PFDN2: variants seen among roughly 807,000 people sequenced by gnomAD.
PFDN2 encodes prefoldin 2.
Under a neutral mutation model 18.3 loss-of-function variants are expected in PFDN2, and 7 were observed. That is an observed-to-expected ratio of 0.38 (90% CI 0.22 to 0.72). The LOEUF (loss-of-function observed/expected upper bound fraction) is 0.72, where lower values mean the gene tolerates loss of function less well. Among genes scored for constraint, PFDN2 ranks in the 30% least tolerant of loss-of-function variants. The probability of loss-of-function intolerance (pLI) is 0.47; values close to 1 mark genes in which losing one functional copy is unlikely to be tolerated. For synonymous variants in PFDN2, 76 were observed against 75.0 expected (o/e 1.01, Z -0.07); for missense variants, 181 against 199.1 (o/e 0.91, Z 0.55).
chr1:161,101,968 A>G, intron 3 of PFDN2, 80 bp downstream of exon 3: 2 of 1,480,162 alleles, frequency 1.4e-6, no homozygotes, highest in African/African-American at 1.4e-5. Flanking sequence ...CCCGGACTCA[A>G]AGAGTCCACC....
In PFDN2 at chr1:161,105,808, A is replaced by G. The variant is rs1385006966; in HGVS notation, c.76-3433T>C. ...TTCTTCAACATTCTTGCTAATAACTAATTTCCTCTTGTTCCATTTTATGAA... is the reference window on the plus strand; with the variant it reads ...TTCTTCAACATTCTTGCTAATAACTGATTTCCTCTTGTTCCATTTTATGAA... On this transcript the variant is annotated intron_variant, in intron 1 of 3. Coordinates refer to ENST00000368010, the MANE Select transcript of PFDN2 (RefSeq NM_012394.4). Among the ~76,000 whole-genome samples, 3 of 152,166 alleles carry G rather than the reference A, an allele frequency of 2.0e-5. No individual in the cohort carries two copies. The East Asian group carries it at 5.8e-4, about 29-fold the overall frequency.
At chr1:161,108,666 T>A (rs1242204807) in intron 1 of PFDN2, among the ~76,000 whole-genome samples, 1 of 152,130 alleles carries the variant, frequency 6.6e-6, no homozygotes, top group East Asian at 1.9e-4. Flanking sequence ...GTAAGATCAA[T>A]GAGTCAAAAA....
intron 1 of PFDN2, among the ~76,000 whole-genome samples, chr1:161,103,746 ATAAACCC>A (rs1654625984): frequency 6.6e-6 from 1 of 151,064 alleles, no homozygotes; most frequent in Admixed American, 6.7e-5. Flanking sequence ...TCTGTAGCCT[ATAAACCC>A]TAACTGATAC....
chr1:161,109,731 C>T (rs557699048), intron 1 of PFDN2, among the ~76,000 whole-genome samples: 1 of 152,150 alleles, frequency 6.6e-6, no homozygotes, highest in Non-Finnish European at 1.5e-5. Context: ...CGGTGGCTCA[C>T]GCCTGTAATC....
chr1:161,107,110 C>T (rs1243072353), intron 1 of PFDN2, among the ~76,000 whole-genome samples: 2 of 152,156 alleles, frequency 1.3e-5, no homozygotes, highest in African/African-American at 4.8e-5. Context: ...AGGCCCATAC[C>T]CTATTGATAT....
chr1:161,117,936 G>C lies in PFDN2; in HGVS notation c.75+16C>G. 5.6e-6 allele frequency: 9 copies of C among 1,603,088 alleles called. No homozygotes were observed. The highest frequency in any genetic ancestry group is 4.4e-5 in the South Asian group (4 of 89,950). ...GACCCAGGTGGGTACCCTGCTTCGC[G>C]TTAGCCACTCCTCACCTGCTCTGCG... On this transcript the variant is annotated intron_variant, in intron 1 of 3. Transcript: ENST00000368010.
rs1226465448 is a variant in PFDN2 at position 161,102,142 on chromosome 1, T to A, written c.194A>T (p.Asp65Val). Residue 65 changes from aspartate (D) to valine (V), a missense_variant, in exon 3 of 4, where the codon GAT becomes GTT. Coordinates refer to ENST00000368010, the MANE Select transcript of PFDN2 (RefSeq NM_012394.4). ...CATGCGGTAGCACTTACGAGTTTCA[T>A]CTACCTCCTTCAGTGTATCGATCAC... ...SLVIDTLKEV[D>V]ETRKCYRMVG... The A allele has an allele frequency of 1.2e-6, 2 of 1,614,092 alleles. No individual in the cohort carries two copies. The highest frequency in any genetic ancestry group is 8.5e-7 in the Non-Finnish European group (1 of 1,180,018).
intron 1 of PFDN2, 55 bp from the exon 2 acceptor site, chr1:161,102,430 C>T: frequency 7.4e-7 from 1 of 1,351,184 alleles, no homozygotes; most frequent in Non-Finnish European, 1.1e-6. Flanking sequence ...GCAGAGGGTC[C>T]AGATAGCACA....
At chr1:161,105,574 C>G (rs1299106232) in intron 1 of PFDN2, among the ~76,000 whole-genome samples, 1 of 152,138 alleles carries the variant, frequency 6.6e-6, no homozygotes, top group African/African-American at 2.4e-5. Context: ...TCTCCTGCCT[C>G]AGCCTCCCAA....
intron 1 of PFDN2, among the ~76,000 whole-genome samples, chr1:161,107,328 G>T (rs897644482): frequency 3.3e-5 from 5 of 151,400 alleles, no homozygotes; most frequent in Non-Finnish European, 2.9e-5. Flanking sequence ...GGGAGGCTGA[G>T]GCAGGAGAAC....
intron 1 of PFDN2, among the ~76,000 whole-genome samples, 182 bp from the exon 2 acceptor site, chr1:161,102,557 G>C (rs1654589530): frequency 6.6e-6 from 1 of 152,132 alleles, no homozygotes; most frequent in Non-Finnish European, 1.5e-5. Flanking sequence ...ACCAAACACG[G>C]AGGGCTTACT....
chr1:161,113,461 A>G (rs1654848870), intron 1 of PFDN2, among the ~76,000 whole-genome samples: 1 of 152,184 alleles, frequency 6.6e-6, no homozygotes, highest in African/African-American at 2.4e-5. Flanking sequence ...AACACAACCT[A>G]CTTCAAATGG....
At chr1:161,108,694 AG>A (rs1654738460) in intron 1 of PFDN2, among the ~76,000 whole-genome samples, 1 of 152,232 alleles carries the variant, frequency 6.6e-6, no homozygotes, top group Non-Finnish European at 1.5e-5. Flanking sequence ...GCATTATTAT[AG>A]CTTCCACTGC....
At chr1:161,116,798 G>T (rs1472963579) in intron 1 of PFDN2, among the ~76,000 whole-genome samples, 2 of 152,064 alleles carry the variant, frequency 1.3e-5, no homozygotes, top group Non-Finnish European at 2.9e-5. Flanking sequence ...GGAGGTGGAG[G>T]CTGTGGTGAG....
intron 1 of PFDN2, among the ~76,000 whole-genome samples, chr1:161,104,084 T>C (rs1479676350): frequency 6.6e-6 from 1 of 152,236 alleles, no homozygotes; most frequent in African/African-American, 2.4e-5. Context: ...TTCTAATGTG[T>C]AGTGTGAACT....
chr1:161,106,218 C>T (rs1468888899), intron 1 of PFDN2, among the ~76,000 whole-genome samples: 1 of 152,140 alleles, frequency 6.6e-6, no homozygotes, highest in African/African-American at 2.4e-5. Flanking sequence ...TTGGAAGCTT[C>T]CTGAGGCCAC....
chr1:161,116,092 T>C (rs1209607261), intron 1 of PFDN2, among the ~76,000 whole-genome samples: 1 of 152,158 alleles, frequency 6.6e-6, no homozygotes, highest in East Asian at 1.9e-4. Flanking sequence ...GCCATTCAAA[T>C]GGCTTATGCC....
chr1:161,100,913 C>A, intron 3 of PFDN2, 54 bp from the exon 4 acceptor site: 1 of 1,338,944 alleles, frequency 7.5e-7, no homozygotes, highest in South Asian at 1.2e-5. Flanking sequence ...CTTTCCCCCA[C>A]CTGGAATGGA....
Position 161,103,683 on chromosome 1 carries a change from C to CAAAA in PFDN2, c.76-1312_76-1309dup, listed in dbSNP as rs553472563. On this transcript the variant is annotated intron_variant, in intron 1 of 3. Coordinates refer to ENST00000368010, the MANE Select transcript of PFDN2 (RefSeq NM_012394.4). ...CTGGCAACAGAGCAAGACTCCGTCTCAAAAAAAAAAAAAAAAAAAAAAAAA... is the reference window on the plus strand; with the variant it reads ...CTGGCAACAGAGCAAGACTCCGTCTCAAAAAAAAAAAAAAAAAAAAAAAAAAAAA... 6.7e-3 allele frequency among the ~76,000 whole-genome samples: 500 copies of CAAAA among 74,872 alleles called. 8 individuals carry two copies. The highest frequency in any genetic ancestry group is 8.3e-3 in the Non-Finnish European group (330 of 39,968). The allele number at this position is 74,872 out of a possible 152,430, so 49.1% of individuals were successfully genotyped here.
Sources: gnomAD v4.1 joint callset for allele counts (sites outside exome capture counted in the v4.1 genomes callset) on GRCh38, gnomAD v4.1.1 for gene constraint, MANE v1.5 for transcripts, NCBI Gene and HGNC (gene_info 2026-07-23, HGNC 2026-07-21) for gene names.